Variants in GRIK4 observed in about 807,000 individuals in gnomAD.
GRIK4 encodes glutamate ionotropic receptor kainate type subunit 4, also known as glutamate receptor ionotropic, kainate 4.
A neutral mutation model predicts 104.9 loss-of-function variants in GRIK4; 40 were observed. That is an observed-to-expected ratio of 0.38 (90% CI 0.30 to 0.50). The LOEUF (loss-of-function observed/expected upper bound fraction) is 0.50, where lower values mean the gene tolerates loss of function less well. GRIK4 is among the 20% of genes least tolerant of loss of function. The pLI, the probability that GRIK4 is intolerant of heterozygous loss-of-function variation, is 0.93. For missense variants in GRIK4, 1,047 were observed against 1,308.1 expected, an observed-to-expected ratio of 0.80 and a Z score of 3.08; for synonymous variants, 485 against 524.9, an observed-to-expected ratio of 0.92 and a Z score of 1.04.
At chr11:120,589,675 C>T (rs752522135) in intron 1 of GRIK4, among the ~76,000 whole-genome samples, 15 of 152,164 alleles carry the variant, frequency 9.9e-5, no homozygotes, top group Non-Finnish European at 1.8e-4. Context: ...GAAAGCAAAG[C>T]GTAACCCTCC....
At chr11:120,768,670 T>C (rs933897475) in intron 3 of GRIK4, among the ~76,000 whole-genome samples, 1 of 152,244 alleles carries the variant, frequency 6.6e-6, no homozygotes, top group African/African-American at 2.4e-5. Context: ...TGAGTTTAGC[T>C]ATGGGTTTTT....
intron 2 of GRIK4, among the ~76,000 whole-genome samples, chr11:120,655,706 GC>G (rs1949696551): frequency 6.6e-6 from 1 of 152,190 alleles, no homozygotes; most frequent in African/African-American, 2.4e-5. Context: ...TTAGGAGGCA[GC>G]GCTGTCAGGA....
chr11:120,788,327 C>T (rs914011063), intron 3 of GRIK4, among the ~76,000 whole-genome samples: 9 of 151,934 alleles, frequency 5.9e-5, no homozygotes, highest in Admixed American at 1.3e-4. Context: ...TAGAGGGTGG[C>T]GGGCGGCATT....
intron 3 of GRIK4, among the ~76,000 whole-genome samples, chr11:120,717,965 G>A (rs542007199): frequency 7.9e-5 from 12 of 152,276 alleles, no homozygotes; most frequent in Non-Finnish European, 1.5e-4. Context: ...AAGCTGAGGC[G>A]GCTGTCTGTG....
At chr11:120,840,115 C>T (rs1006478417) in intron 8 of GRIK4, among the ~76,000 whole-genome samples, 1 of 152,158 alleles carries the variant, frequency 6.6e-6, no homozygotes, top group African/African-American at 2.4e-5. Flanking sequence ...AGGGCCAGGT[C>T]TCTGGTGCAG....
At chr11:120,740,439 A>G (rs1039903285) in intron 3 of GRIK4, among the ~76,000 whole-genome samples, 5 of 152,078 alleles carry the variant, frequency 3.3e-5, no homozygotes, top group Non-Finnish European at 7.4e-5. Flanking sequence ...AAGCATCCCC[A>G]CAGGAACCTG....
intron 3 of GRIK4, among the ~76,000 whole-genome samples, chr11:120,661,390 A>C (rs1949812354): frequency 6.6e-6 from 1 of 151,656 alleles, no homozygotes; most frequent in Admixed American, 6.6e-5. Context: ...CTCAAATACC[A>C]GGCAGGTTAC....
intron 3 of GRIK4, among the ~76,000 whole-genome samples, chr11:120,708,251 G>A (rs1950663078): frequency 6.6e-6 from 1 of 152,192 alleles, no homozygotes; most frequent in Admixed American, 6.5e-5. Context: ...CTTGCCATGG[G>A]CACGTGGAAA....
intron 13 of GRIK4, among the ~76,000 whole-genome samples, chr11:120,933,959 C>T (rs903286002): frequency 1.3e-5 from 2 of 152,048 alleles, no homozygotes; most frequent in Non-Finnish European, 2.9e-5. Context: ...AATCCCAGCA[C>T]TTTGGGAGGC....
chr11:120,942,039 G>A (rs1483103409), intron 14 of GRIK4, among the ~76,000 whole-genome samples: 8 of 152,242 alleles, frequency 5.3e-5, no homozygotes, highest in Non-Finnish European at 1.2e-4. Flanking sequence ...ACCCAGGAAT[G>A]ATGTGTTTGA....
chr11:120,548,419 C>T lies in GRIK4; in HGVS notation c.-159+36532C>T, dbSNP rs376242704. Among the ~76,000 whole-genome samples, 18 of 151,972 alleles carry T rather than the reference C, an allele frequency of 1.2e-4. No individual in the cohort carries two copies. In the East Asian group the frequency reaches 3.1e-3, roughly 26 times the overall value. On this transcript the variant is annotated intron_variant, in intron 1 of 20. Transcript: ENST00000527524. ...GGGATTGCAAGCAGAGGGGATGGCC[C>T]CAGCAAAGGCATGGTGGCCTGGAGA...
chr11:120,648,207 G>A (rs907031598), intron 1 of GRIK4, among the ~76,000 whole-genome samples: 23 of 152,204 alleles, frequency 1.5e-4, no homozygotes, highest in Admixed American at 2.6e-4. Context: ...ACCAGGGGCC[G>A]GAGACTAGCC....
At chr11:120,955,179 G>A (rs1229833555) in intron 15 of GRIK4, among the ~76,000 whole-genome samples, 2 of 152,198 alleles carry the variant, frequency 1.3e-5, no homozygotes, top group Non-Finnish European at 2.9e-5. Context: ...GGAAGGGCCT[G>A]AGAATCTGTA....
rs182936519 is a variant in GRIK4 at position 120,726,187 on chromosome 11, G to C, written c.82+65787G>C. On this transcript the variant is annotated intron_variant, in intron 3 of 20. Transcript: ENST00000527524. ...AGGTCAGGAACATAGAGATTATAGA[G>C]AGAGTGGTGGAAATCAGAGAGGACA... Among the ~76,000 whole-genome samples the C allele has an allele frequency of 9.8e-5, 15 of 152,354 alleles. No individual in the cohort carries two copies. In the East Asian group the frequency reaches 2.9e-3, roughly 29 times the overall value.
At chr11:120,920,517 A>G (rs1943204742) in intron 13 of GRIK4, among the ~76,000 whole-genome samples, 1 of 152,096 alleles carries the variant, frequency 6.6e-6, no homozygotes, top group Admixed American at 6.5e-5. Context: ...GTCATTCATC[A>G]ACACAGAGTG....
chr11:120,708,255 G>A (rs376768468), intron 3 of GRIK4, among the ~76,000 whole-genome samples: 8 of 152,182 alleles, frequency 5.3e-5, no homozygotes, highest in South Asian at 4.2e-4. Context: ...CCATGGGCAC[G>A]TGGAAAGATC....
At chr11:120,671,115 G>T (rs906986190) in intron 3 of GRIK4, among the ~76,000 whole-genome samples, 1 of 152,092 alleles carries the variant, frequency 6.6e-6, no homozygotes, top group African/African-American at 2.4e-5. Flanking sequence ...ATGGGCATTT[G>T]GGTTGGTTCC....
At chr11:120,767,478 AT>A (rs1366217424) in intron 3 of GRIK4, among the ~76,000 whole-genome samples, 3 of 151,668 alleles carry the variant, frequency 2.0e-5, no homozygotes, top group Non-Finnish European at 2.9e-5. Flanking sequence ...GTTTGCACAT[AT>A]TTTTTTTCCC....
chr11:120,566,332 G>A (rs902041681), intron 1 of GRIK4, among the ~76,000 whole-genome samples: 2 of 152,208 alleles, frequency 1.3e-5, no homozygotes, highest in African/African-American at 4.8e-5. Flanking sequence ...GGGTCATCCA[G>A]CCAGGAAGTG....
Sources: gnomAD v4.1 joint callset for allele counts (sites outside exome capture counted in the v4.1 genomes callset) on GRCh38, gnomAD v4.1.1 for gene constraint, MANE v1.5 for transcripts, NCBI Gene and HGNC (gene_info 2026-07-23, HGNC 2026-07-21) for gene names.